ADAM18: variants seen among roughly 807,000 people sequenced by gnomAD.
ADAM18 encodes the protein disintegrin and metalloproteinase domain-containing protein 18.
Under a neutral mutation model 94.4 loss-of-function variants are expected in ADAM18, and 117 were observed. The ratio of observed to expected loss-of-function variants is 1.24; its 90% CI spans 1.07 to 1.45. ADAM18 has a LOEUF of 1.45. ADAM18 is among the 40% of genes most tolerant of loss of function. ADAM18 has a pLI of 0.00. For missense variants in ADAM18, 936 were observed against 880.0 expected, an observed-to-expected ratio of 1.06 and a Z score of -0.81; for synonymous variants, 327 against 291.6, an observed-to-expected ratio of 1.12 and a Z score of -1.24.
chr8:39,599,420 T>C (rs1818837607), intron 2 of ADAM18, among the ~76,000 whole-genome samples: 1 of 152,214 alleles, frequency 6.6e-6, no homozygotes, highest in South Asian at 2.1e-4. Context: ...AAAGAGATTG[T>C]AGAAAATTAG....
intron 2 of ADAM18, among the ~76,000 whole-genome samples, chr8:39,600,703 C>A (rs1423787631): frequency 6.6e-6 from 1 of 152,200 alleles, no homozygotes; most frequent in Admixed American, 6.5e-5. Flanking sequence ...TACCCTGGGA[C>A]CTGAGCTGCC....
intron 18 of ADAM18, among the ~76,000 whole-genome samples, chr8:39,718,537 G>A (rs1822643319): frequency 6.6e-6 from 1 of 151,442 alleles, no homozygotes; most frequent in Admixed American, 6.6e-5. Context: ...ATAGAATGGT[G>A]GTTGTTGGGG....
intron 6 of ADAM18, among the ~76,000 whole-genome samples, chr8:39,622,994 C>T (rs1819657112): frequency 6.6e-6 from 1 of 151,906 alleles, no homozygotes; most frequent in East Asian, 1.9e-4. Flanking sequence ...TTCATTGTAC[C>T]CAATATGTGG....
At chr8:39,701,122 A>AG in intron 17 of ADAM18, among the ~76,000 whole-genome samples, 1 of 117,260 alleles carries the variant, frequency 8.5e-6, no homozygotes, top group Non-Finnish European at 1.9e-5. Flanking sequence ...TGTCTCAAAA[A>AG]AAAAAAAAAA....
At chr8:39,668,392 T>A (rs1221521377) in intron 14 of ADAM18, among the ~76,000 whole-genome samples, 196 bp downstream of exon 14, 1 of 152,132 alleles carries the variant, frequency 6.6e-6, no homozygotes, top group African/African-American at 2.4e-5. Flanking sequence ...ATTTTTATTG[T>A]GGTTTGATTT....
At chr8:39,641,091 A>G (rs879919822) in intron 10 of ADAM18, among the ~76,000 whole-genome samples, 3 of 152,056 alleles carry the variant, frequency 2.0e-5, no homozygotes, top group Non-Finnish European at 2.9e-5. Context: ...GCCCATGTCT[A>G]TGTCCCAAAT....
At chr8:39,658,803 A>C (rs1163729794) in intron 12 of ADAM18, among the ~76,000 whole-genome samples, 2 of 152,102 alleles carry the variant, frequency 1.3e-5, no homozygotes, top group African/African-American at 4.8e-5. Flanking sequence ...TGCATTAGGG[A>C]GGGTTGAAAA....
At chr8:39,605,518 T>C (rs1329976762) in intron 2 of ADAM18, among the ~76,000 whole-genome samples, 3 of 152,168 alleles carry the variant, frequency 2.0e-5, no homozygotes, top group African/African-American at 4.8e-5. Context: ...ACTGCACATA[T>C]GTATGTATAT....
chr8:39,721,870 A>G (rs1448005195), intron 18 of ADAM18, among the ~76,000 whole-genome samples: 1 of 151,282 alleles, frequency 6.6e-6, no homozygotes, highest in Non-Finnish European at 1.5e-5. Flanking sequence ...TAAAAATAGA[A>G]CTACCACTCA....
intron 17 of ADAM18, among the ~76,000 whole-genome samples, chr8:39,702,116 G>C (rs1488507141): frequency 6.6e-6 from 1 of 152,156 alleles, no homozygotes; most frequent in Non-Finnish European, 1.5e-5. Context: ...CAGTGTATAA[G>C]TATTCCTTTT....
chr8:39,596,919 A>G (rs1399030161), intron 2 of ADAM18, among the ~76,000 whole-genome samples: 2 of 152,176 alleles, frequency 1.3e-5, no homozygotes, highest in Non-Finnish European at 2.9e-5. Context: ...TTAATAATGT[A>G]TAAGGATTAA....
intron 12 of ADAM18, among the ~76,000 whole-genome samples, chr8:39,653,654 A>T (rs1419284004): frequency 2.0e-5 from 3 of 152,208 alleles, no homozygotes; most frequent in African/African-American, 7.2e-5. Flanking sequence ...CGAGGATAAA[A>T]TAATCTTGAT....
intron 14 of ADAM18, among the ~76,000 whole-genome samples, chr8:39,675,937 C>T (rs558455912): frequency 6.6e-6 from 1 of 152,210 alleles, no homozygotes; most frequent in Non-Finnish European, 1.5e-5. Flanking sequence ...ACCCTGTTTC[C>T]CTGGGTATCA....
chr8:39,608,028 C>T (rs547021521), intron 3 of ADAM18, among the ~76,000 whole-genome samples: 1 of 151,954 alleles, frequency 6.6e-6, no homozygotes, highest in South Asian at 2.1e-4. Flanking sequence ...TGACTTTCTT[C>T]TCAATTTGTC....
At chr8:39,627,705 C>A (rs1454252042) in intron 6 of ADAM18, among the ~76,000 whole-genome samples, 1 of 151,762 alleles carries the variant, frequency 6.6e-6, no homozygotes, top group Non-Finnish European at 1.5e-5. Context: ...GTATTTAGAC[C>A]ATTTATATTC....
At chr8:39,643,517 G>T (rs964829258) in intron 10 of ADAM18, among the ~76,000 whole-genome samples, 1 of 151,952 alleles carries the variant, frequency 6.6e-6, no homozygotes, top group Non-Finnish European at 1.5e-5. Flanking sequence ...GATTTCCAGG[G>T]CTGCCATAAC....
chr8:39,637,022 TATATATATA>T (rs1820093241), intron 7 of ADAM18, among the ~76,000 whole-genome samples: 9 of 23,912 alleles, frequency 3.8e-4, no homozygotes, highest in African/African-American at 1.1e-3. Context: ...GTGTATTTTA[TATATATATA>T]TATATATATA....
chr8:39,705,144 G>A lies in ADAM18; in HGVS notation c.1903-1646G>A, dbSNP rs1371273228. On this transcript the variant is annotated intron_variant, in intron 17 of 19. Coordinates refer to ENST00000265707, the MANE Select transcript of ADAM18 (RefSeq NM_014237.3). Reference sequence around the variant, plus strand: ...TTTTAGTCTTATCAGGGAAGAGTCTGATGCTATATTTAGTCTCTTTACACT... The same window carrying A: ...TTTTAGTCTTATCAGGGAAGAGTCTAATGCTATATTTAGTCTCTTTACACT... Among the ~76,000 whole-genome samples the A allele has an allele frequency of 2.6e-5, 4 of 152,082 alleles. No homozygotes were observed. The South Asian group carries it at 8.3e-4, about 32-fold the overall frequency.
Position 39,706,783 on chromosome 8 carries a change from G to A in ADAM18, c.1903-7G>A. 6.6e-7 allele frequency: 1 copy of A among 1,523,616 alleles called. No individual in the cohort carries two copies. The highest frequency in any genetic ancestry group is 9.1e-7 in the Non-Finnish European group (1 of 1,100,556). The allele number at this position is 1,523,616 out of a possible 1,614,324, so 94.4% of individuals were successfully genotyped here. ...ACTCAAACTGTTTCTGTATTTTTCT[G>A]TTTCAGATATGTAATAATTTTGGTA... is the stretch of plus-strand genomic sequence containing the variant. On this transcript the variant is annotated splice_region_variant and splice_polypyrimidine_tract_variant and intron_variant, in intron 17 of 19. Transcript: ENST00000265707.
Sources: allele counts gnomAD v4.1 joint callset (sites outside exome capture counted in the v4.1 genomes callset), GRCh38; gene constraint gnomAD v4.1.1; transcripts MANE v1.5; gene names NCBI Gene and HGNC (gene_info 2026-07-23, HGNC 2026-07-21).